ATP6V0D1: variants seen among roughly 807,000 people sequenced by gnomAD.
ATP6V0D1 encodes ATPase H+ transporting V0 subunit d1, also known as V-type proton ATPase subunit d 1.
ATP6V0D1 carries 13 observed loss-of-function variants against 39.0 expected under a neutral mutation model. The ratio of observed to expected loss-of-function variants is 0.33; its 90% CI spans 0.22 to 0.53. The LOEUF (loss-of-function observed/expected upper bound fraction) is 0.53. Among genes scored for constraint, ATP6V0D1 ranks in the 20% least tolerant of loss-of-function variants. The pLI is 0.94. For synonymous variants in ATP6V0D1, 191 were observed against 191.2 expected, an observed-to-expected ratio of 1.00 and a Z score of 0.01; for missense variants, 272 against 470.9, an observed-to-expected ratio of 0.58 and a Z score of 3.91.
chr16:67,478,324 T>A (rs943478005), intron 1 of ATP6V0D1, among the ~76,000 whole-genome samples: 2 of 151,958 alleles, frequency 1.3e-5, no homozygotes, highest in East Asian at 3.9e-4. Context: ...TAGAAATGTG[T>A]GTGAATGGCC....
intron 1 of ATP6V0D1, among the ~76,000 whole-genome samples, chr16:67,460,204 G>A (rs1021543253): frequency 6.6e-6 from 1 of 152,182 alleles, no homozygotes; most frequent in African/African-American, 2.4e-5. Context: ...GGCTTCGAAG[G>A]GACTGGACCT....
At chr16:67,445,852 A>G (rs904256836) in intron 2 of ATP6V0D1, 8 of 448,576 alleles carry the variant, frequency 1.8e-5, no homozygotes, top group Admixed American at 1.7e-4. Flanking sequence ...CCCATTCCAC[A>G]GTTAGGCTGC....
At chr16:67,478,954 C>A (rs1000587305) in intron 1 of ATP6V0D1, among the ~76,000 whole-genome samples, 1 of 152,078 alleles carries the variant, frequency 6.6e-6, no homozygotes, top group African/African-American at 2.4e-5. Context: ...TAGATTTAGG[C>A]AAATAAAGAC....
chr16:67,452,529 C>T, intron 2 of ATP6V0D1: 2 of 817,416 alleles, frequency 2.4e-6, no homozygotes, highest in Non-Finnish European at 4.1e-6. Context: ...AGTGGGGGCA[C>T]CATAATCAAG....
At chr16:67,470,478 C>T (rs1286539364) in intron 1 of ATP6V0D1, among the ~76,000 whole-genome samples, 2 of 152,242 alleles carry the variant, frequency 1.3e-5, no homozygotes, top group East Asian at 1.9e-4. Flanking sequence ...CAGGTGTCCT[C>T]GTTAGGCCAC....
At chr16:67,452,690 G>A (rs1294202023) in intron 2 of ATP6V0D1, among the ~76,000 whole-genome samples, 2 of 152,208 alleles carry the variant, frequency 1.3e-5, no homozygotes, top group Admixed American at 1.3e-4. Context: ...CACCTAGGCT[G>A]GGACTATTTC....
At chr16:67,461,061 G>A (rs2041285796) in intron 1 of ATP6V0D1, among the ~76,000 whole-genome samples, 1 of 152,236 alleles carries the variant, frequency 6.6e-6, no homozygotes, top group South Asian at 2.1e-4. Flanking sequence ...TTTACAGAGA[G>A]CTGAGCACAG....
intron 1 of ATP6V0D1, among the ~76,000 whole-genome samples, chr16:67,466,372 CACACAA>C (rs1170813661): frequency 1.8e-3 from 247 of 140,940 alleles, no homozygotes; most frequent in African/African-American, 6.6e-3. Flanking sequence ...CACACACACA[CACACAA>C]AATTAGCCAG....
intron 2 of ATP6V0D1, chr16:67,445,926 G>A (rs529443652): frequency 1.8e-5 from 8 of 455,920 alleles, no homozygotes; most frequent in Non-Finnish European, 3.5e-5. Context: ...GGAGCTAAAT[G>A]AGGCCTAGGG....
Position 67,444,589 on chromosome 16 carries a change from G to C in ATP6V0D1, c.420C>G (p.Ala140=), listed in dbSNP as rs1227293143. ...CAGCAGGTGTCTGAGCAATGTTCAC[G>C]GCCTCCATCTGCTCGAAGCTGCCTA... ...HPLGSFEQME[A]VNIAQTPAEL... Residue 140 remains alanine (A), a synonymous_variant, in exon 3 of 8, where the codon GCC becomes GCG. Transcript: ENST00000290949. This position sits in a 1 kb window ranked among gnomAD's most constrained non-coding sequence, Gnocchi z 4.8. The C allele has an allele frequency of 6.2e-7, 1 of 1,613,304 alleles. No individual in the cohort carries two copies. Among genetic ancestry groups the C allele is most frequent in the Non-Finnish European group, 8.5e-7 (1 of 1,179,592 alleles).
Position 67,447,131 on chromosome 16 carries a change from G to C in ATP6V0D1, c.303-2425C>G, listed in dbSNP as rs902977845. Among the ~76,000 whole-genome samples the C allele has an allele frequency of 2.2e-4, 33 of 152,184 alleles. No homozygotes were observed. The highest frequency in any genetic ancestry group is 7.5e-4 in the African/African-American group (31 of 41,428). ...CACTCAGGGCATCTGTTTATGTGGG[G>C]GAAATGCTGAGCCTAGTAAGGGCCA... is the stretch of plus-strand genomic sequence containing the variant. On this transcript the variant is annotated intron_variant, in intron 2 of 7. Coordinates refer to ENST00000290949, the MANE Select transcript of ATP6V0D1 (RefSeq NM_004691.5). The surrounding 1 kb of genome is among the most constrained non-coding windows in gnomAD (Gnocchi z 4.1).
intron 4 of ATP6V0D1, chr16:67,440,768 G>C (rs937772933): frequency 6.6e-6 from 1 of 152,348 alleles, no homozygotes; most frequent in Admixed American, 6.5e-5. Context: ...AGGCCTGAGA[G>C]TGACCTCTGG....
intron 2 of ATP6V0D1, among the ~76,000 whole-genome samples, chr16:67,450,372 G>A (rs1446013270): frequency 1.3e-5 from 2 of 152,064 alleles, no homozygotes; most frequent in Non-Finnish European, 2.9e-5. Context: ...CCAATCGTGA[G>A]CCCCAGCCTG....
chr16:67,473,564 C>T (rs1012033389), intron 1 of ATP6V0D1, among the ~76,000 whole-genome samples: 2 of 152,170 alleles, frequency 1.3e-5, no homozygotes, highest in East Asian at 3.8e-4. Context: ...CGCTCAGTCG[C>T]CCAGGCTGGA....
rs1182884564 is a variant in ATP6V0D1, at chr16:67,438,325, G to T, written c.*203C>A. 7.9e-6 allele frequency: 5 copies of T among 633,738 alleles called. No individual in the cohort carries two copies. Among genetic ancestry groups the T allele is most frequent in the Admixed American group, 3.1e-5 (1 of 32,626 alleles). The allele number at this position is 633,738 out of a possible 1,614,324, so 39.3% of individuals were successfully genotyped here. On this transcript the variant is annotated 3_prime_UTR_variant, in exon 8 of 8. Transcript: ENST00000290949. Reference sequence around the variant, plus strand: ...GTCTTCGTCCATCCTTGGTGGGGGGGGGTGCCCAGCCCCTTTTCAGGCCTA... The same window carrying T: ...GTCTTCGTCCATCCTTGGTGGGGGGTGGTGCCCAGCCCCTTTTCAGGCCTA...
chr16:67,450,636 C>T (rs908180790), intron 2 of ATP6V0D1, among the ~76,000 whole-genome samples: 2 of 152,144 alleles, frequency 1.3e-5, no homozygotes, highest in East Asian at 1.9e-4. Context: ...GGTGGAGTGA[C>T]GGGACTGTTG....
At position 67,444,550 on chromosome 16, in the gene ATP6V0D1, G is replaced by A; in HGVS notation, c.459C>T (p.Ala153=). 1.2e-6 allele frequency: 2 copies of A among 1,605,518 alleles called. No homozygotes were observed. The highest frequency in any genetic ancestry group is 1.7e-6 in the Non-Finnish European group (2 of 1,173,444). ...CACCAAGAGGCGTGTCCACCAGAAT[G>A]GCATTGTAGAGCTCAGCAGGTGTCT... ...IAQTPAELYN[A]ILVDTPLAAF... is the part of the protein sequence containing the mutation. Residue 153 remains alanine, a synonymous_variant, in exon 3 of 8, where the codon GCC becomes GCT. Transcript: ENST00000290949. The surrounding 1 kb of genome is among the most constrained non-coding windows in gnomAD (Gnocchi z 4.8).
chr16:67,444,445 C>T lies in ATP6V0D1; in HGVS notation c.481+83G>A. The T allele has an allele frequency of 6.8e-7, 1 of 1,461,138 alleles. No individual in the cohort carries two copies. Among genetic ancestry groups the T allele is most frequent in the Non-Finnish European group, 9.2e-7 (1 of 1,089,268 alleles). 90.5% of individuals were successfully genotyped at this position (1,461,138 alleles called of 1,614,324 possible). On this transcript the variant is annotated intron_variant, in intron 3 of 7. Coordinates refer to ENST00000290949, the MANE Select transcript of ATP6V0D1 (RefSeq NM_004691.5). This position sits in a 1 kb window ranked among gnomAD's most constrained non-coding sequence, Gnocchi z 4.8. ...GTCTCACTTTCTGGCTCAGGGTCGC[C>T]CCCCAGCGGGTCCACAAACCCCACC...
At chr16:67,480,546 G>T (rs1437644104) in intron 1 of ATP6V0D1, among the ~76,000 whole-genome samples, 1 of 152,196 alleles carries the variant, frequency 6.6e-6, no homozygotes, top group East Asian at 1.9e-4. Context: ...GTGTCTTGGC[G>T]GGGGGAGGGG....
Sources: allele counts gnomAD v4.1 joint callset (sites outside exome capture counted in the v4.1 genomes callset), GRCh38; gene constraint gnomAD v4.1.1; non-coding constraint Gnocchi (gnomAD v3.1); transcripts MANE v1.5; gene names NCBI Gene and HGNC (gene_info 2026-07-23, HGNC 2026-07-21).